Variants in C8orf34 observed in about 807,000 individuals in gnomAD.
C8orf34 encodes uncharacterized protein C8orf34.
Under a neutral mutation model 68.3 loss-of-function variants are expected in C8orf34, and 65 were observed. That is an observed-to-expected ratio of 0.95 (90% confidence interval 0.78 to 1.17). The LOEUF is 1.17. Among genes scored for constraint, C8orf34 ranks in the 50% most tolerant of loss-of-function variants. C8orf34 has a pLI of 0.00. For missense variants in C8orf34, 664 were observed against 655.4 expected (o/e 1.01, Z -0.14); for synonymous variants, 244 against 241.2 (o/e 1.01, Z -0.11).
At chr8:68,374,574 G>GTGAA (rs1462567277) in intron 1 of C8orf34, among the ~76,000 whole-genome samples, 1 of 152,190 alleles carries the variant, frequency 6.6e-6, no homozygotes, top group Non-Finnish European at 1.5e-5. Context: ...AATTAGGAGA[G>GTGAA]TGAACCCTTG....
At chr8:68,785,146 G>A (rs1823809514) in intron 11 of C8orf34, among the ~76,000 whole-genome samples, 1 of 151,806 alleles carries the variant, frequency 6.6e-6, no homozygotes, top group Non-Finnish European at 1.5e-5. Flanking sequence ...GGAGGTTAAG[G>A]TGAGTCATTA....
intron 7 of C8orf34, among the ~76,000 whole-genome samples, chr8:68,595,800 G>A (rs1817532636): frequency 6.6e-6 from 1 of 151,972 alleles, no homozygotes; most frequent in East Asian, 1.9e-4. Context: ...TCCCTGCTAT[G>A]TTCAGGCAGA....
intron 6 of C8orf34, among the ~76,000 whole-genome samples, chr8:68,528,547 C>A (rs1169757890): frequency 6.6e-6 from 1 of 152,148 alleles, no homozygotes; most frequent in African/African-American, 2.4e-5. Context: ...CCTGGAAAAA[C>A]TCTACCATGT....
chr8:68,591,460 CAA>C (rs2130437832), intron 7 of C8orf34, among the ~76,000 whole-genome samples: 1 of 152,112 alleles, frequency 6.6e-6, no homozygotes, highest in African/African-American at 2.4e-5. Flanking sequence ...CGTAGTGAGA[CAA>C]AGAAGACAAC....
intron 8 of C8orf34, among the ~76,000 whole-genome samples, chr8:68,643,217 G>T (rs1819065130): frequency 6.6e-6 from 1 of 152,164 alleles, no homozygotes; most frequent in Admixed American, 6.5e-5. Flanking sequence ...ACGTTGATGT[G>T]ATTATCAAAG....
chr8:68,503,686 CTTT>C (rs538748605), intron 5 of C8orf34, among the ~76,000 whole-genome samples: 1 of 135,206 alleles, frequency 7.4e-6, no homozygotes, highest in Non-Finnish European at 1.6e-5. Flanking sequence ...TTTTCTTTTT[CTTT>C]TTTTTTTTTT....
chr8:68,616,821 C>T (rs1818232614), intron 7 of C8orf34, among the ~76,000 whole-genome samples: 1 of 152,106 alleles, frequency 6.6e-6, no homozygotes, highest in East Asian at 1.9e-4. Flanking sequence ...TGGTGCAGAG[C>T]TGAGTTCAAT....
chr8:68,434,417 C>T (rs1279469645), intron 1 of C8orf34, among the ~76,000 whole-genome samples: 2 of 152,080 alleles, frequency 1.3e-5, no homozygotes, highest in Non-Finnish European at 1.5e-5. Flanking sequence ...TTTTCTGTTC[C>T]TGTGTTAGTT....
intron 12 of C8orf34, among the ~76,000 whole-genome samples, chr8:68,797,128 A>G (rs1305364719): frequency 6.6e-6 from 1 of 152,152 alleles, no homozygotes; most frequent in African/African-American, 2.4e-5. Context: ...CACCCAGCCT[A>G]TTTGAGTTCT....
chr8:68,701,264 T>G (rs374778620), intron 8 of C8orf34, among the ~76,000 whole-genome samples: 83 of 152,246 alleles, frequency 5.5e-4, no homozygotes, highest in East Asian at 3.1e-3. Context: ...TCTACCTACC[T>G]GTCTGAAATG....
intron 1 of C8orf34, among the ~76,000 whole-genome samples, chr8:68,352,226 A>G (rs1313257995): frequency 2.6e-5 from 4 of 152,084 alleles, no homozygotes; most frequent in Admixed American, 6.6e-5. Flanking sequence ...CTGAATTAAC[A>G]GAGCTTGAAG....
chr8:68,606,278 A>G (rs1261702086), intron 7 of C8orf34, among the ~76,000 whole-genome samples: 2 of 152,088 alleles, frequency 1.3e-5, no homozygotes, highest in East Asian at 3.9e-4. Flanking sequence ...AAATAGCCTT[A>G]CTAACTGGGT....
intron 8 of C8orf34, among the ~76,000 whole-genome samples, chr8:68,679,707 A>G (rs1820305536): frequency 6.6e-6 from 1 of 152,178 alleles, no homozygotes; most frequent in South Asian, 2.1e-4. Context: ...AAATAAAACA[A>G]CATGGTACTG....
intron 10 of C8orf34, among the ~76,000 whole-genome samples, chr8:68,737,903 A>T (rs1316702297): frequency 6.6e-6 from 1 of 152,074 alleles, no homozygotes; most frequent in Non-Finnish European, 1.5e-5. Context: ...ACCTGAACTC[A>T]CTCAGCACTG....
intron 1 of C8orf34, among the ~76,000 whole-genome samples, chr8:68,419,368 A>G (rs1233812969): frequency 6.7e-6 from 1 of 149,098 alleles, no homozygotes; most frequent in Non-Finnish European, 1.5e-5. Flanking sequence ...GAACACTTTT[A>G]CACTGTTGGT....
rs144289709 is a variant in C8orf34 at position 68,562,946 on chromosome 8, C to T, written c.1105+29797C>T. The stretch of plus-strand genomic sequence containing the variant: ...TTCATACCTTAACCTTGGTAGTTGT[C>T]CATAATTCCTGGATCTGTATCCAAA... On this transcript the variant is annotated intron_variant, in intron 7 of 13. Transcript: ENST00000518698. 2.1e-3 allele frequency among the ~76,000 whole-genome samples: 321 copies of T among 152,250 alleles called. 1 individual carries two copies. The highest frequency in any genetic ancestry group is 7.3e-3 in the African/African-American group (302 of 41,554).
chr8:68,570,203 C>T lies in C8orf34; in HGVS notation c.1105+37054C>T, dbSNP rs146754546. ...CCAGCCAGTGCATATAGATCTGAAG[C>T]CGAATCTGGATTAAGAAAATTTAAG... On this transcript the variant is annotated intron_variant, in intron 7 of 13. Transcript: ENST00000518698. Among the ~76,000 whole-genome samples, 60 of 152,280 alleles carry T rather than the reference C, an allele frequency of 3.9e-4. No individual in the cohort carries two copies. In the Middle Eastern group the frequency reaches 0.01, roughly 26 times the overall value.
chr8:68,765,631 C>T (rs985135057), intron 10 of C8orf34, among the ~76,000 whole-genome samples: 15 of 152,134 alleles, frequency 9.9e-5, no homozygotes, highest in African/African-American at 2.9e-4. Flanking sequence ...GGTTATGCTT[C>T]TACACATTTA....
chr8:68,739,575 T>G (rs549387807), intron 10 of C8orf34, among the ~76,000 whole-genome samples: 119 of 152,086 alleles, frequency 7.8e-4, no homozygotes, highest in African/African-American at 2.7e-3. Flanking sequence ...AAAACACTGC[T>G]CAAAGAAATC....
Sources: allele counts gnomAD v4.1 joint callset (sites outside exome capture counted in the v4.1 genomes callset), GRCh38; gene constraint gnomAD v4.1.1; transcripts MANE v1.5; gene names NCBI Gene and HGNC (gene_info 2026-07-23, HGNC 2026-07-21).